Variants in MDN1 observed in about 807,000 individuals in gnomAD.
MDN1 encodes midasin.
Under a neutral mutation model 669.2 loss-of-function variants are expected in MDN1, and 266 were observed. The ratio of observed to expected loss-of-function variants is 0.40; its 90% CI spans 0.36 to 0.44. MDN1 has a LOEUF of 0.44. Among genes scored for constraint, MDN1 ranks in the 20% least tolerant of loss-of-function variants. The pLI, the probability that MDN1 is intolerant of heterozygous loss-of-function variation, is 1.00. For missense variants in MDN1, 5,940 were observed against 6,754.0 expected (o/e 0.88, Z 4.22); for synonymous variants, 2,385 against 2,457.1 (o/e 0.97, Z 0.87).
chr6:89,653,386 A>G (rs1167553171), intron 93 of MDN1, among the ~76,000 whole-genome samples: 1 of 152,222 alleles, frequency 6.6e-6, no homozygotes, highest in Non-Finnish European at 1.5e-5. Context: ...TGTTCTTGGA[A>G]AGGGAAATAG....
At chr6:89,771,733 G>A in intron 14 of MDN1, 112 bp from the exon 15 acceptor site, 1 of 941,594 alleles carries the variant, frequency 1.1e-6, no homozygotes, top group South Asian at 1.5e-5. Context: ...TTTTGAGACA[G>A]AGTCTTGTTC....
Position 89,708,592 on chromosome 6 carries a change from A to G in MDN1, c.7802T>C (p.Met2601Thr), listed in dbSNP as rs1031967113. ...FVIPLDPRWN[M>T]QALDMIRNLM... ...ATTTCTAATCATGTCCAGAGCCTGC[A>G]TATTCCATCGGGGATCCAGAGGGAT... The change falls in exon 51 of 102, where the codon ATG becomes ACG. Residue 2601 changes from methionine (M) to threonine (T), a missense_variant. Met to Thr is a moderately conservative substitution (Grantham distance 81). This residue lies in a region of MDN1 where 2,292 missense variants were observed against 2,638.3 expected (regional missense o/e 0.87). Coordinates refer to ENST00000369393, the MANE Select transcript of MDN1 (RefSeq NM_014611.3). The G allele has an allele frequency of 1.2e-6, 2 of 1,614,116 alleles. No homozygotes were observed. The highest frequency in any genetic ancestry group is 1.1e-5 in the South Asian group (1 of 91,082).
At chr6:89,784,412 C>T (rs1360049676) in intron 9 of MDN1, among the ~76,000 whole-genome samples, 1 of 152,190 alleles carries the variant, frequency 6.6e-6, no homozygotes, top group African/African-American at 2.4e-5. Context: ...AGCATCTCTT[C>T]CATGTCTGAA....
rs972450155 is a variant in MDN1, at chr6:89,819,757, C to T, written c.-150G>A. On this transcript the variant is annotated 5_prime_UTR_variant, in exon 1 of 102. Transcript: ENST00000369393. ...TCCAGCGCCTACACCGGGAGAGGGG[C>T]ACCACACGTGGGTGAGCACACGGCG... The T allele has an allele frequency of 1.7e-5, 11 of 645,168 alleles. No homozygotes were observed. The highest frequency in any genetic ancestry group is 3.6e-5 in the African/African-American group (2 of 55,136). The allele number at this position is 645,168 out of a possible 1,614,324, so 40.0% of individuals were successfully genotyped here.
Position 89,643,678 on chromosome 6 carries a change from C to T in MDN1, c.*327G>A, listed in dbSNP as rs11539372. ...GCAGCATCTCCTCAAGGCACAGGTG[C>T]CCAGATCCCCTGCAAAAGAAAACAG... On this transcript the variant is annotated 3_prime_UTR_variant, in exon 102 of 102. Coordinates refer to ENST00000369393, the MANE Select transcript of MDN1 (RefSeq NM_014611.3). 4.7e-6 allele frequency: 1 copy of T among 213,150 alleles called. No individual in the cohort carries two copies. The highest frequency in any genetic ancestry group is 9.4e-6 in the Non-Finnish European group (1 of 106,734). 13.2% of individuals were successfully genotyped at this position (213,150 alleles called of 1,614,324 possible).
At chr6:89,810,788 G>A (rs61349600) in intron 1 of MDN1, among the ~76,000 whole-genome samples, 3 of 151,784 alleles carry the variant, frequency 2.0e-5, no homozygotes, top group South Asian at 2.1e-4. Context: ...ACTTGAGGTC[G>A]GGAGTTAGAG....
At position 89,690,093 on chromosome 6, in the gene MDN1, A is replaced by C. The variant is rs567095353; in HGVS notation, c.10800T>G (p.Thr3600=). 19 of 1,614,200 alleles carry C rather than the reference A, an allele frequency of 1.2e-5. 1 individual carries two copies. The South Asian group carries it at 2.1e-4, about 18-fold the overall frequency. Residue 3600 remains threonine (T), a synonymous_variant, in exon 65 of 102, where the codon ACT becomes ACG. Transcript: ENST00000369393. ...CTGCTTCCTCTTCTTGCCCATCTGA[A>C]GTTCCTTTGTTCTCCTCCAACGTTG... ...VQPTLEENKG[T]SDGQEEEAGT... is the part of the protein sequence containing the mutation.
rs866259331 is a variant in MDN1 at position 89,796,339 on chromosome 6, A to C, written c.330-1538T>G. ...AACTCTGTCTCAAAAAAAAAAAAAAAAAAAAAAAAAACAAAAAAAAAAACC... is the reference window on the plus strand; with the variant it reads ...AACTCTGTCTCAAAAAAAAAAAAAACAAAAAAAAAAACAAAAAAAAAAACC... On this transcript the variant is annotated intron_variant, in intron 2 of 101. Coordinates refer to ENST00000369393, the MANE Select transcript of MDN1 (RefSeq NM_014611.3). Among the ~76,000 whole-genome samples the C allele has an allele frequency of 8.2e-3, 893 of 108,954 alleles. 16 individuals carry two copies. Among genetic ancestry groups the C allele is most frequent in the African/African-American group, 0.028 (832 of 29,990 alleles). The allele number at this position is 108,954 out of a possible 152,430, so 71.5% of individuals were successfully genotyped here.
intron 36 of MDN1, among the ~76,000 whole-genome samples, chr6:89,728,234 T>TAA (rs947421061): frequency 2.0e-5 from 3 of 149,018 alleles, no homozygotes; most frequent in Non-Finnish European, 4.5e-5. Flanking sequence ...TTGACAGGCT[T>TAA]AAAAAAAAAA....
intron 2 of MDN1, among the ~76,000 whole-genome samples, chr6:89,801,960 A>T (rs2128328903): frequency 6.8e-6 from 1 of 147,402 alleles, no homozygotes; most frequent in African/African-American, 2.4e-5. Flanking sequence ...AGACTGCTTC[A>T]AAAAGAAAAA....
At chr6:89,707,542 T>C in intron 51 of MDN1, 66 bp from the exon 52 acceptor site, 1 of 1,023,570 alleles carries the variant, frequency 9.8e-7, no homozygotes, top group Non-Finnish European at 1.5e-6. Context: ...TCATATCCTC[T>C]ATTTGCTGGA....
chr6:89,751,168 G>C (rs929105586), intron 23 of MDN1, among the ~76,000 whole-genome samples: 1 of 152,110 alleles, frequency 6.6e-6, no homozygotes, highest in Admixed American at 6.6e-5. Flanking sequence ...TGAATAATCT[G>C]TGGTATTTAT....
intron 63 of MDN1, among the ~76,000 whole-genome samples, chr6:89,691,455 C>T (rs184134986): frequency 2.0e-3 from 306 of 152,330 alleles, no homozygotes; most frequent in Non-Finnish European, 2.1e-3. Context: ...TGTGTTTAAT[C>T]TTTGTCCCAG....
rs773325904 is a variant in MDN1 at position 89,695,653 on chromosome 6, A to G, written c.9723T>C (p.Phe3241=). ...QIQTWLPQAR[F]DPAVKREYKL... ...TGTACTCCCTCTTCACCGCAGGGTC[A>G]AAGCGTGCCTGGGGAAGCCATGTCT... Residue 3241 remains phenylalanine (F), a synonymous_variant, in exon 61 of 102, where the codon TTT becomes TTC. Coordinates refer to ENST00000369393, the MANE Select transcript of MDN1 (RefSeq NM_014611.3). This position sits in a 1 kb window ranked among gnomAD's most constrained non-coding sequence, Gnocchi z 4.1. 267 of 1,612,284 alleles carry G rather than the reference A, an allele frequency of 1.7e-4. No individual in the cohort carries two copies. Among genetic ancestry groups the G allele is most frequent in the Non-Finnish European group, 2.2e-4 (255 of 1,179,096 alleles).
intron 15 of MDN1, among the ~76,000 whole-genome samples, chr6:89,770,061 G>A (rs1452106833): frequency 6.6e-6 from 1 of 152,038 alleles, no homozygotes; most frequent in East Asian, 1.9e-4. Context: ...TCACACCACT[G>A]CACTCCAGCC....
intron 33 of MDN1, among the ~76,000 whole-genome samples, chr6:89,733,371 ATACT>A (rs1815726215): frequency 6.6e-6 from 1 of 152,236 alleles, no homozygotes; most frequent in South Asian, 2.1e-4. Context: ...AATAAAGAAA[ATACT>A]TAAGTAGTAT....
rs957421754 is a variant in MDN1, at chr6:89,642,814, G to T, written c.*1191C>A. The stretch of plus-strand genomic sequence containing the variant: ...GTGGTATATGTTTTAATAGTTTTCA[G>T]AATATAAGCTGCATAGCTTTTTAGA... On this transcript the variant is annotated 3_prime_UTR_variant, in exon 102 of 102. Coordinates refer to ENST00000369393, the MANE Select transcript of MDN1 (RefSeq NM_014611.3). 4 of 152,238 alleles carry T rather than the reference G, an allele frequency of 2.6e-5. No individual in the cohort carries two copies. Among genetic ancestry groups the T allele is most frequent in the Non-Finnish European group, 5.9e-5 (4 of 68,042 alleles). 9.4% of individuals were successfully genotyped at this position (152,238 alleles called of 1,614,324 possible).
chr6:89,778,719 C>T (rs1234051224), intron 11 of MDN1, among the ~76,000 whole-genome samples: 1 of 151,258 alleles, frequency 6.6e-6, no homozygotes, highest in African/African-American at 2.4e-5. Context: ...CCCATCTCTA[C>T]TAAAAATGCA....
In MDN1 at chr6:89,699,725, C is replaced by T. The variant is rs746249891; in HGVS notation, c.8873G>A (p.Cys2958Tyr). The T allele has an allele frequency of 6.2e-7, 1 of 1,613,226 alleles. No individual in the cohort carries two copies. The highest frequency in any genetic ancestry group is 8.5e-7 in the Non-Finnish European group (1 of 1,179,622). Reference protein sequence around the residue: ...DFMAQACLRRCSKNQQPQINE... With the variant: ...DFMAQACLRRYSKNQQPQINE... ...TATCTGGGGTTGTTGATTTTTGCTG[C>T]ATCTGTTCCAAAAATAAAGAGGGAG... Residue 2958 changes from cysteine (C) to tyrosine (Y), a missense_variant and splice_region_variant, in exon 58 of 102, where the codon TGC becomes TAC. Cys to Tyr is a radical substitution (Grantham distance 194). This residue lies in a region of MDN1 where 2,292 missense variants were observed against 2,638.3 expected (regional missense o/e 0.87). Coordinates refer to ENST00000369393, the MANE Select transcript of MDN1 (RefSeq NM_014611.3).
Sources: allele counts gnomAD v4.1 joint callset (sites outside exome capture counted in the v4.1 genomes callset), GRCh38; gene constraint gnomAD v4.1.1; regional missense constraint gnomAD v4.1.1; non-coding constraint Gnocchi (gnomAD v3.1); transcripts MANE v1.5; gene names NCBI Gene and HGNC (gene_info 2026-07-23, HGNC 2026-07-21).